The following CACNA2D1 variants were observed in gnomAD, a reference collection of about 807,000 sequenced individuals.
CACNA2D1 encodes the protein voltage-dependent calcium channel subunit alpha-2/delta-1.
In CACNA2D1, 53 loss-of-function variants were observed where a neutral mutation model predicts 171.5. The observed-to-expected ratio is 0.31, with a 90% CI of 0.25 to 0.39. CACNA2D1 has a LOEUF of 0.39. Ranked by LOEUF, CACNA2D1 falls within the 10% of genes least tolerant of loss-of-function variation. The pLI is 1.00. For synonymous variants in CACNA2D1, 442 were observed against 443.1 expected (o/e 1.00, Z 0.03); for missense variants, 903 against 1,299.8 (o/e 0.69, Z 4.69).
At chr7:82,119,268 G>A (rs1340129615) in intron 5 of CACNA2D1, among the ~76,000 whole-genome samples, 1 of 152,110 alleles carries the variant, frequency 6.6e-6, no homozygotes, top group Non-Finnish European at 1.5e-5. Flanking sequence ...CAGAGAAAAT[G>A]AGCAAGTGGA....
chr7:82,052,587 T>A (rs959392848), intron 10 of CACNA2D1, among the ~76,000 whole-genome samples: 2 of 152,114 alleles, frequency 1.3e-5, no homozygotes, highest in Non-Finnish European at 2.9e-5. Flanking sequence ...GCAGACTAAC[T>A]CATAAGACTG....
chr7:81,977,936 A>C (rs1431466953), intron 24 of CACNA2D1, among the ~76,000 whole-genome samples: 1 of 152,254 alleles, frequency 6.6e-6, no homozygotes, highest in Admixed American at 6.5e-5. Flanking sequence ...GGATATGAAC[A>C]GACAGTTCTC....
At chr7:82,075,766 C>A (rs1808885453) in intron 7 of CACNA2D1, among the ~76,000 whole-genome samples, 1 of 151,972 alleles carries the variant, frequency 6.6e-6, no homozygotes, top group South Asian at 2.1e-4. Context: ...ACAAAAAAAT[C>A]TTTTTAATTT....
At chr7:82,150,270 C>CAAAAAAAAAAAAAAA (rs1195730824) in intron 4 of CACNA2D1, among the ~76,000 whole-genome samples, 1 of 74,330 alleles carries the variant, frequency 1.3e-5, no homozygotes, top group Non-Finnish European at 2.4e-5. Flanking sequence ...AAAAAAAAAA[C>CAAAAAAAAAAAAAAA]AAAAACAACA....
intron 3 of CACNA2D1, among the ~76,000 whole-genome samples, chr7:82,319,820 T>A (rs1182303401): frequency 2.6e-5 from 4 of 152,192 alleles, no homozygotes; most frequent in Admixed American, 1.3e-4. Flanking sequence ...TGAGACTAAA[T>A]GAATAAATTA....
chr7:82,025,823 C>T (rs573417307), intron 12 of CACNA2D1, among the ~76,000 whole-genome samples: 1 of 151,674 alleles, frequency 6.6e-6, no homozygotes, highest in East Asian at 1.9e-4. Context: ...TGTTCAAGTC[C>T]TCTGTTTCCA....
intron 3 of CACNA2D1, among the ~76,000 whole-genome samples, chr7:82,179,931 A>C (rs1796943527): frequency 6.6e-6 from 1 of 151,924 alleles, no homozygotes; most frequent in Non-Finnish European, 1.5e-5. Context: ...GAGAGAAAAA[A>C]AAAGCCATCT....
At chr7:82,428,355 A>AC (rs5885296) in intron 1 of CACNA2D1, among the ~76,000 whole-genome samples, 1 of 151,838 alleles carries the variant, frequency 6.6e-6, no homozygotes, top group Non-Finnish European at 1.5e-5. Context: ...GCCATGACAC[A>AC]AGCATAAAAA....
intron 8 of CACNA2D1, among the ~76,000 whole-genome samples, chr7:82,065,990 T>C (rs545222313): frequency 1.6e-4 from 25 of 152,296 alleles, no homozygotes; most frequent in Non-Finnish European, 2.8e-4. Flanking sequence ...GCTTCAGTAG[T>C]GAGGAACAAA....
intron 3 of CACNA2D1, among the ~76,000 whole-genome samples, chr7:82,179,941 T>A (rs1796945015): frequency 6.6e-6 from 1 of 151,950 alleles, no homozygotes; most frequent in African/African-American, 2.4e-5. Flanking sequence ...AAAAGCCATC[T>A]TAAATTATTT....
intron 5 of CACNA2D1, among the ~76,000 whole-genome samples, chr7:82,129,433 T>A (rs1319676325): frequency 6.6e-6 from 1 of 152,212 alleles, no homozygotes; most frequent in East Asian, 1.9e-4. Context: ...ATTTATTAAC[T>A]TTGTTCCCAC....
intron 3 of CACNA2D1, among the ~76,000 whole-genome samples, chr7:82,291,598 T>TA (rs1300569604): frequency 7.0e-6 from 1 of 143,488 alleles, no homozygotes; most frequent in African/African-American, 2.5e-5. Flanking sequence ...ATATAATATA[T>TA]AAAAAATATA....
chr7:81,971,898 A>G, intron 25 of CACNA2D1, 34 bp from the exon 26 acceptor site: 1 of 1,243,484 alleles, frequency 8.0e-7, no homozygotes, highest in Non-Finnish European at 1.2e-6. Context: ...TTACACTCAC[A>G]TTTCTAAAAT....
chr7:82,293,540 A>G (rs1369570384), intron 3 of CACNA2D1, among the ~76,000 whole-genome samples: 2 of 152,222 alleles, frequency 1.3e-5, no homozygotes, highest in African/African-American at 4.8e-5. Context: ...ATAGCTGCAG[A>G]AATTACGTTT....
At chr7:82,373,528 A>G (rs924880512) in intron 1 of CACNA2D1, among the ~76,000 whole-genome samples, 1 of 152,196 alleles carries the variant, frequency 6.6e-6, no homozygotes, top group Non-Finnish European at 1.5e-5. Context: ...TACATAATGC[A>G]CAATTGTATT....
At chr7:82,370,362 G>GA (rs148608371) in intron 1 of CACNA2D1, among the ~76,000 whole-genome samples, 1,949 of 152,016 alleles carry the variant, frequency 0.013, 42 homozygotes, top group South Asian at 0.053. Context: ...GAACTGTAAA[G>GA]AAATAAGTGG....
intron 9 of CACNA2D1, among the ~76,000 whole-genome samples, chr7:82,063,220 ATAT>A (rs1169635757): frequency 2.0e-5 from 3 of 152,170 alleles, no homozygotes; most frequent in Non-Finnish European, 4.4e-5. Flanking sequence ...TTATTTCTGG[ATAT>A]TATTATACAT....
At chr7:82,083,818 C>T (rs1369354823) in intron 7 of CACNA2D1, among the ~76,000 whole-genome samples, 2 of 152,066 alleles carry the variant, frequency 1.3e-5, no homozygotes, top group Non-Finnish European at 2.9e-5. Context: ...ATATTACAAT[C>T]CAAACTTATA....
rs116969998 is a variant in CACNA2D1 at position 82,316,609 on chromosome 7, T to A, written c.294+18526A>T. 3.0e-4 allele frequency among the ~76,000 whole-genome samples: 45 copies of A among 152,314 alleles called. No individual in the cohort carries two copies. The East Asian group carries it at 8.3e-3, about 28-fold the overall frequency. ...AGCTATTCAATCAGTAGCTAACATA[T>A]AAATCAAAATATCTGTATATTAGTC... On this transcript the variant is annotated intron_variant, in intron 3 of 38. Coordinates refer to ENST00000356860, the MANE Select transcript of CACNA2D1 (RefSeq NM_000722.4).
Sources: allele counts gnomAD v4.1 joint callset (sites outside exome capture counted in the v4.1 genomes callset), GRCh38; gene constraint gnomAD v4.1.1; transcripts MANE v1.5; gene names NCBI Gene and HGNC (gene_info 2026-07-23, HGNC 2026-07-21).